DENND4A: variants seen among roughly 807,000 people sequenced by gnomAD.
DENND4A encodes C-myc promoter-binding protein.
A neutral mutation model predicts 199.3 loss-of-function variants in DENND4A; 70 were observed. The ratio of observed to expected loss-of-function variants is 0.35; its 90% confidence interval spans 0.29 to 0.43. The LOEUF is 0.43. Ranked by LOEUF, DENND4A falls within the 20% of genes least tolerant of loss-of-function variation. DENND4A has a pLI of 1.00. For missense variants in DENND4A, 1,723 were observed against 2,255.8 expected, an observed-to-expected ratio of 0.76 and a Z score of 4.78; for synonymous variants, 686 against 766.9, an observed-to-expected ratio of 0.89 and a Z score of 1.74.
chr15:65,750,783 G>A (rs2076540817), intron 4 of DENND4A, among the ~76,000 whole-genome samples: 1 of 151,740 alleles, frequency 6.6e-6, no homozygotes, highest in African/African-American at 2.4e-5. Flanking sequence ...GACAGTTAAG[G>A]ATCATGCATG....
chr15:65,744,739 T>C (rs1040224923), intron 4 of DENND4A, among the ~76,000 whole-genome samples: 5 of 152,206 alleles, frequency 3.3e-5, no homozygotes, highest in African/African-American at 1.2e-4. Flanking sequence ...GTGTCTGAAC[T>C]TTGTATCTAT....
intron 32 of DENND4A, among the ~76,000 whole-genome samples, chr15:65,663,209 T>TA (rs1370486519): frequency 3.4e-5 from 5 of 145,798 alleles, no homozygotes; most frequent in African/African-American, 1.3e-4. Context: ...TTTTTTTTTT[T>TA]TTATTTTTTT....
Position 65,732,810 on chromosome 15 carries a change from G to A in DENND4A, c.1049C>T (p.Ser350Phe), listed in dbSNP as rs2076001123. ...AAAAGGAACTTTATGCATAAAATGA[G>A]AAATATGCCTTGAAAACAAACAAAA... ...PHVLPIEKHI[S>F]HFMHKVPFPS... Residue 350 changes from serine (S) to phenylalanine (F), a missense_variant, in exon 8 of 33, where the codon TCT (serine) becomes TTT (phenylalanine). Ser to Phe is a radical substitution (Grantham distance 155, BLOSUM62 -2). This residue lies in a region of DENND4A where 725 missense variants were observed against 952.9 expected (regional missense o/e 0.76). Coordinates refer to ENST00000443035, the MANE Select transcript of DENND4A (RefSeq NM_001320835.1). The A allele has an allele frequency of 6.3e-7, 1 of 1,591,526 alleles. No individual in the cohort carries two copies. Among genetic ancestry groups the A allele is most frequent in the Admixed American group, 1.7e-5 (1 of 59,520 alleles).
chr15:65,771,495 G>T, intron 1 of DENND4A: 2 of 1,610,756 alleles, frequency 1.2e-6, no homozygotes, highest in South Asian at 1.1e-5. Flanking sequence ...GAATAAGGAG[G>T]ATTACAGACC....
chr15:65,690,767 C>T lies in DENND4A; in HGVS notation c.3827G>A (p.Cys1276Tyr), dbSNP rs2076943613. 2 of 1,613,474 alleles carry T rather than the reference C, an allele frequency of 1.2e-6. No homozygotes were observed. The highest frequency in any genetic ancestry group is 1.3e-5 in the African/African-American group (1 of 74,914). The change falls in exon 23 of 33, where the codon TGT becomes TAT. Residue 1276 changes from cysteine to tyrosine, a missense_variant. By Grantham distance (194) the Cys-to-Tyr change is radical. Around this residue, in one of 6 missense-constraint regions of DENND4A, gnomAD observed 650 missense variants for 738.1 expected, o/e 0.88. Transcript: ENST00000443035. ...ACTTTTCTTATTTAATTTATCATCA[C>T]ATGCCCGTTGTAAATCAATGCTTGG... ...RTPSIDLQRA[C>Y]DDKLNKKSPP...
At chr15:65,757,271 G>T (rs960542197) in intron 2 of DENND4A, among the ~76,000 whole-genome samples, 1 of 147,054 alleles carries the variant, frequency 6.8e-6, no homozygotes, top group South Asian at 2.3e-4. Flanking sequence ...ATGGGGGGGG[G>T]GGGGTCTCAC....
chr15:65,714,182 C>T (rs776848661), intron 14 of DENND4A, among the ~76,000 whole-genome samples: 23 of 152,040 alleles, frequency 1.5e-4, no homozygotes, highest in Non-Finnish European at 2.5e-4. Flanking sequence ...GAGGCCGAGG[C>T]GGGCAGATCA....
chr15:65,664,581 C>A lies in DENND4A; in HGVS notation c.5501G>T (p.Cys1834Phe). Residue 1834 changes from cysteine (C) to phenylalanine (F), a missense_variant, in exon 31 of 33, where the codon TGT becomes TTT. Transcript: ENST00000443035. ...TTACCTCTGTCTTTTAAAATGTGGA[C>A]ACTTATTCAGTGTCTCTAAAATCTG... Reference protein sequence around the residue: ...MSQILETLNKCPHFKRQRSLY... With the variant: ...MSQILETLNKFPHFKRQRSLY... 1.2e-6 allele frequency: 2 copies of A among 1,612,678 alleles called. No homozygotes were observed. The highest frequency in any genetic ancestry group is 1.7e-6 in the Non-Finnish European group (2 of 1,179,150).
At chr15:65,670,252 T>C in intron 25 of DENND4A, 64 bp from the exon 26 acceptor site, 5 of 1,293,536 alleles carry the variant, frequency 3.9e-6, no homozygotes, top group Non-Finnish European at 5.1e-6. Context: ...TTAAAAACCA[T>C]TTCAATTCAT....
rs2075831811 is a variant in DENND4A, at chr15:65,661,055, A to G, written c.*796T>C. The G allele has an allele frequency of 6.6e-6, 1 of 152,124 alleles. No homozygotes were observed. Among genetic ancestry groups the G allele is most frequent in the African/African-American group, 2.4e-5 (1 of 41,420 alleles). 9.4% of individuals were successfully genotyped at this position (152,124 alleles called of 1,614,324 possible). On this transcript the variant is annotated 3_prime_UTR_variant, in exon 33 of 33. Transcript: ENST00000443035. ...TACGTATCTATTAGCAATAGAGACA[A>G]TTTTGGAGTCATGGTATAGTGAACC... is the stretch of plus-strand genomic sequence containing the variant.
chr15:65,717,941 A>C lies in DENND4A; in HGVS notation c.1644T>G (p.Asp548Glu). 1 of 1,609,462 alleles carries C rather than the reference A, an allele frequency of 6.2e-7. No individual in the cohort carries two copies. Among genetic ancestry groups the C allele is most frequent in the Non-Finnish European group, 8.5e-7 (1 of 1,177,628 alleles). The change falls in exon 13 of 33, where the codon GAT (aspartate) becomes GAG (glutamate). Residue 548 changes from aspartate to glutamate, a missense_variant. Physicochemically the swap from Asp to Glu is conservative, Grantham distance 45. Transcript: ENST00000443035. ...TGTGCAACCTCTTTCCAGAATTAAA[A>C]TCATAGTCATTTATTGCTAAATCCA... is the stretch of plus-strand genomic sequence containing the variant. ...GLMDLAINDY[D>E]FNSGKRLHMI...
At chr15:65,743,920 T>C (rs1018586779) in intron 4 of DENND4A, among the ~76,000 whole-genome samples, 2 of 151,058 alleles carry the variant, frequency 1.3e-5, no homozygotes, top group Admixed American at 6.6e-5. Flanking sequence ...TGGCTTCTAT[T>C]ACTCTTGGAG....
intron 13 of DENND4A, among the ~76,000 whole-genome samples, chr15:65,715,950 C>T (rs2075384968): frequency 6.6e-6 from 1 of 152,042 alleles, no homozygotes; most frequent in African/African-American, 2.4e-5. Flanking sequence ...CTCTCACACT[C>T]TCTCCATATA....
intron 20 of DENND4A, among the ~76,000 whole-genome samples, chr15:65,698,725 C>T (rs894959017): frequency 7.1e-5 from 9 of 126,240 alleles, no homozygotes; most frequent in Non-Finnish European, 9.8e-5. Context: ...TTTAAGATAG[C>T]CTTTTTTTTT....
At chr15:65,680,505 C>T (rs570826008) in intron 23 of DENND4A, 27 of 152,018 alleles carry the variant, frequency 1.8e-4, no homozygotes, top group Middle Eastern at 3.4e-3. Flanking sequence ...AAAAATAAGA[C>T]GAATAGTTGA....
At chr15:65,666,483 C>G (rs1439306663) in intron 29 of DENND4A, among the ~76,000 whole-genome samples, 1 of 152,158 alleles carries the variant, frequency 6.6e-6, no homozygotes, top group Non-Finnish European at 1.5e-5. Flanking sequence ...GAACAGCATG[C>G]AATTTAAAAC....
At chr15:65,684,268 T>A (rs2076677517) in intron 23 of DENND4A, among the ~76,000 whole-genome samples, 1 of 152,230 alleles carries the variant, frequency 6.6e-6, no homozygotes, top group South Asian at 2.1e-4. Context: ...GTTAAATTAA[T>A]GCTTAGCTTT....
At position 65,760,338 on chromosome 15, in the gene DENND4A, A is replaced by G. The variant is rs2076821056; in HGVS notation, c.-23+1022T>C. ...ACGGTGAAACCCCGTCTCTACTTAA[A>G]ATACAAAAAATTAGCGGGGCATGGT... On this transcript the variant is annotated intron_variant, in intron 2 of 32. Transcript: ENST00000443035. Among the ~76,000 whole-genome samples the G allele has an allele frequency of 2.0e-5, 3 of 151,970 alleles. No homozygotes were observed. In the South Asian group the frequency reaches 6.2e-4, roughly 32 times the overall value.
chr15:65,748,622 TA>T (rs35086835), intron 4 of DENND4A, among the ~76,000 whole-genome samples: 27,916 of 127,654 alleles, frequency 0.22, 3,478 homozygotes, highest in East Asian at 0.73. Context: ...ATCCTGTCTC[TA>T]AAAAAAAAAA....
Sources: allele counts gnomAD v4.1 joint callset (sites outside exome capture counted in the v4.1 genomes callset), GRCh38; gene constraint gnomAD v4.1.1; regional missense constraint gnomAD v4.1.1; transcripts MANE v1.5; gene names NCBI Gene and HGNC (gene_info 2026-07-23, HGNC 2026-07-21).